Variants in NR5A2 observed in about 807,000 individuals in gnomAD.
The protein encoded by NR5A2 is nuclear receptor subfamily 5 group A member 2.
Under a neutral mutation model 62.7 loss-of-function variants are expected in NR5A2, and 26 were observed. The observed-to-expected ratio is 0.41, with a 90% CI of 0.30 to 0.58. NR5A2 has a LOEUF of 0.58. Ranked by LOEUF, NR5A2 falls within the 20% of genes least tolerant of loss-of-function variation. The pLI is 0.22. For synonymous variants in NR5A2, 246 were observed against 241.7 expected (o/e 1.02, Z -0.16); for missense variants, 541 against 669.1 (o/e 0.81, Z 2.11).
At chr1:200,155,547 C>T (rs1233174364) in intron 7 of NR5A2, among the ~76,000 whole-genome samples, 1 of 152,194 alleles carries the variant, frequency 6.6e-6, no homozygotes, top group East Asian at 1.9e-4. Flanking sequence ...TGGCTTTGGC[C>T]ACTGCCAGGT....
chr1:200,138,608 G>A (rs1667325492), intron 7 of NR5A2, among the ~76,000 whole-genome samples: 1 of 152,028 alleles, frequency 6.6e-6, no homozygotes, highest in Non-Finnish European at 1.5e-5. Flanking sequence ...GTGTGAGGGG[G>A]AGATCTAGTT....
intron 7 of NR5A2, among the ~76,000 whole-genome samples, chr1:200,150,385 T>C (rs1224932204): frequency 6.6e-6 from 1 of 152,210 alleles, no homozygotes; most frequent in Non-Finnish European, 1.5e-5. Context: ...CTCTAGTAAC[T>C]ATCATCTATA....
intron 7 of NR5A2, among the ~76,000 whole-genome samples, chr1:200,148,889 G>A (rs1387935239): frequency 2.1e-5 from 3 of 146,078 alleles, no homozygotes; most frequent in Non-Finnish European, 3.0e-5. Context: ...TCCTAGCCCA[G>A]TCTTTGGCAT....
chr1:200,163,265 C>CAA (rs374872273), intron 7 of NR5A2, among the ~76,000 whole-genome samples: 3,270 of 87,966 alleles, frequency 0.037, 53 homozygotes, highest in Middle Eastern at 0.058. Context: ...ATGTCAAAGG[C>CAA]AAAAAAAAAA....
intron 6 of NR5A2, among the ~76,000 whole-genome samples, chr1:200,112,671 A>T (rs1007556778): frequency 6.6e-6 from 1 of 152,226 alleles, no homozygotes; most frequent in Non-Finnish European, 1.5e-5. Context: ...TGCACCTCTC[A>T]GGAGAAAAGC....
At chr1:200,137,246 G>A (rs1050941948) in intron 7 of NR5A2, among the ~76,000 whole-genome samples, 2 of 151,786 alleles carry the variant, frequency 1.3e-5, no homozygotes, top group Admixed American at 1.3e-4. Context: ...TGTCTCCCAG[G>A]TTCAAGCAGT....
intron 6 of NR5A2, among the ~76,000 whole-genome samples, chr1:200,112,010 T>C (rs1256320549): frequency 6.6e-6 from 1 of 151,352 alleles, no homozygotes; most frequent in East Asian, 1.9e-4. Context: ...AGGGAGAAGC[T>C]GACATTAAAC....
In NR5A2 at chr1:200,056,614, A is replaced by C. The variant is rs138363533; in HGVS notation, c.1110+7796A>C. Among the ~76,000 whole-genome samples the C allele has an allele frequency of 3.3e-4, 51 of 152,270 alleles. No homozygotes were observed. The East Asian group carries it at 4.4e-3, about 13-fold the overall frequency. On this transcript the variant is annotated intron_variant, in intron 5 of 7. Transcript: ENST00000367362. ...GTATACATTTACAAACTGCAAACTC[A>C]GTTTAAGCTCCCTGAAACTTATGGT...
chr1:200,038,710 AT>A, intron 1 of NR5A2: 1 of 1,365,892 alleles, frequency 7.3e-7, no homozygotes, highest in East Asian at 4.6e-5. Flanking sequence ...GATCGAGGAA[AT>A]TGCCGCTCTG....
rs530082940 is a variant in NR5A2, at chr1:200,119,713, G to A, written c.1231-1095G>A. ...ACGATCTTGGCTCACTGCAACCTCC[G>A]CCTCCCAGGTTCAAGCAATTCTCCT... On this transcript the variant is annotated intron_variant, in intron 6 of 7. Transcript: ENST00000367362. Among the ~76,000 whole-genome samples the A allele has an allele frequency of 2.6e-4, 40 of 151,956 alleles. 1 individual carries two copies. The South Asian group carries it at 7.3e-3, about 28-fold the overall frequency.
At chr1:200,129,034 A>G (rs11590268) in intron 7 of NR5A2, among the ~76,000 whole-genome samples, 216 of 152,184 alleles carry the variant, frequency 1.4e-3, no homozygotes, top group Non-Finnish European at 2.8e-3. Flanking sequence ...AGTGTGTGCC[A>G]TTTGTCCTCT....
Position 200,112,829 on chromosome 1 carries a change from G to A in NR5A2, c.1230+1508G>A, listed in dbSNP as rs186228197. Among the ~76,000 whole-genome samples, 4 of 152,208 alleles carry A rather than the reference G, an allele frequency of 2.6e-5. No individual in the cohort carries two copies. The East Asian group carries it at 7.7e-4, about 29-fold the overall frequency. On this transcript the variant is annotated intron_variant, in intron 6 of 7. Transcript: ENST00000367362. Reference sequence around the variant, plus strand: ...ATTGGGTGTGCCTCCCACCTTCACCGAACTAGGAGCTGCATTGGAAGTACA... The same window carrying A: ...ATTGGGTGTGCCTCCCACCTTCACCAAACTAGGAGCTGCATTGGAAGTACA...
chr1:200,104,829 A>G (rs1665567482), intron 5 of NR5A2, among the ~76,000 whole-genome samples: 1 of 151,844 alleles, frequency 6.6e-6, no homozygotes, highest in Non-Finnish European at 1.5e-5. Flanking sequence ...TGTCTGGCTA[A>G]TTTTTGTATT....
In NR5A2 at chr1:200,134,761, T is replaced by C. The variant is rs997154844; in HGVS notation, c.1378+13806T>C. 7.2e-5 allele frequency among the ~76,000 whole-genome samples: 11 copies of C among 152,362 alleles called. No homozygotes were observed. In the South Asian group the frequency reaches 1.9e-3, roughly 26 times the overall value. The stretch of plus-strand genomic sequence containing the variant: ...ATGTAGGAATTTTTAAGTGCAGATT[T>C]ATTTAATTTTTAATTTTTAAAATTG... On this transcript the variant is annotated intron_variant, in intron 7 of 7. Coordinates refer to ENST00000367362, the MANE Select transcript of NR5A2 (RefSeq NM_205860.3).
At chr1:200,029,240 G>A (rs947414307) in intron 1 of NR5A2, 11 of 203,134 alleles carry the variant, frequency 5.4e-5, no homozygotes, top group Non-Finnish European at 9.7e-5. Context: ...CGCGCGCTCG[G>A]GGGCTCGCGC....
At chr1:200,169,358 C>T (rs1204644248) in intron 7 of NR5A2, among the ~76,000 whole-genome samples, 1 of 152,122 alleles carries the variant, frequency 6.6e-6, no homozygotes, top group East Asian at 1.9e-4. Flanking sequence ...CAAAAGTCAA[C>T]ACACTCCATG....
intron 7 of NR5A2, among the ~76,000 whole-genome samples, chr1:200,169,812 T>C (rs890597853): frequency 7.2e-5 from 11 of 152,236 alleles, no homozygotes; most frequent in Admixed American, 3.3e-4. Flanking sequence ...TTTGTAATGA[T>C]AGGGTTTATT....
At chr1:200,116,327 T>G (rs1666213055) in intron 6 of NR5A2, among the ~76,000 whole-genome samples, 1 of 152,166 alleles carries the variant, frequency 6.6e-6, no homozygotes, top group African/African-American at 2.4e-5. Flanking sequence ...GTAAATAATG[T>G]GGTGAATTTG....
intron 1 of NR5A2, chr1:200,029,244 C>T (rs1661460521): frequency 4.9e-6 from 1 of 202,152 alleles, no homozygotes; most frequent in Middle Eastern, 6.0e-4. Context: ...CGCTCGGGGG[C>T]TCGCGCCCGC....
Sources: allele counts gnomAD v4.1 joint callset (sites outside exome capture counted in the v4.1 genomes callset), GRCh38; gene constraint gnomAD v4.1.1; transcripts MANE v1.5; gene names NCBI Gene and HGNC (gene_info 2026-07-23, HGNC 2026-07-21).